The following TRPC4 variants were observed in gnomAD, a reference collection of about 807,000 sequenced individuals.
TRPC4 encodes transient receptor potential cation channel subfamily C member 4.
TRPC4 carries 49 observed loss-of-function variants against 99.4 expected under a neutral mutation model. That is an observed-to-expected ratio of 0.49 (90% CI 0.39 to 0.63). The LOEUF (loss-of-function observed/expected upper bound fraction) is 0.63. TRPC4 is among the 20% of genes least tolerant of loss of function. TRPC4 has a pLI of 0.00. For missense variants in TRPC4, 898 were observed against 1,152.9 expected (o/e 0.78, Z 3.20); for synonymous variants, 454 against 425.9 (o/e 1.07, Z -0.81).
At chr13:37,666,322 G>A (rs1952646258) in intron 5 of TRPC4, among the ~76,000 whole-genome samples, 3 of 152,162 alleles carry the variant, frequency 2.0e-5, no homozygotes, top group Admixed American at 1.3e-4. Context: ...GGGTACATCT[G>A]GCTATTAGGT....
chr13:37,646,339 G>T (rs1951859392), intron 8 of TRPC4, among the ~76,000 whole-genome samples: 1 of 152,098 alleles, frequency 6.6e-6, no homozygotes, highest in Admixed American at 6.5e-5. Flanking sequence ...CATTTTTTAT[G>T]ATTTTATCAA....
Position 37,647,667 on chromosome 13 carries a change from G to T in TRPC4, c.2079+3598C>A, listed in dbSNP as rs141771951. 8.2e-4 allele frequency among the ~76,000 whole-genome samples: 125 copies of T among 152,288 alleles called. No individual in the cohort carries two copies. The Middle Eastern group carries it at 0.01, about 12-fold the overall frequency. The stretch of plus-strand genomic sequence containing the variant: ...TTTAAAAGAAATGGTTGAGCTAAAT[G>T]ATATCTAAGATCCCTTTGGGGTATA... On this transcript the variant is annotated intron_variant, in intron 8 of 10. Transcript: ENST00000379705.
chr13:37,745,584 G>A (rs1955752947), intron 3 of TRPC4, among the ~76,000 whole-genome samples: 1 of 146,252 alleles, frequency 6.8e-6, no homozygotes, highest in Non-Finnish European at 1.5e-5. Flanking sequence ...CATTCAGCAG[G>A]TGAGAATACT....
rs574298696 is a variant in TRPC4 at position 37,659,509 on chromosome 13, A to T, written c.1688+3907T>A. On this transcript the variant is annotated intron_variant, in intron 6 of 10. Transcript: ENST00000379705. ...TTCATTGCAACAAAAATGGACTAAG[A>T]CAGGAGGCAGGGGACAAGCAGATCA... Among the ~76,000 whole-genome samples the T allele has an allele frequency of 1.9e-4, 29 of 152,320 alleles. No homozygotes were observed. The East Asian group carries it at 5.6e-3, about 29-fold the overall frequency.
chr13:37,706,049 A>G (rs148896005), intron 3 of TRPC4, among the ~76,000 whole-genome samples: 159 of 152,270 alleles, frequency 1.0e-3, no homozygotes, highest in Non-Finnish European at 2.0e-3. Context: ...ACATACATTT[A>G]CAATTGCACC....
chr13:37,659,052 G>C (rs1230763875), intron 6 of TRPC4, among the ~76,000 whole-genome samples: 3 of 152,184 alleles, frequency 2.0e-5, no homozygotes, highest in East Asian at 1.9e-4. Context: ...GAAGAGTAAA[G>C]TGTTAATGGG....
In TRPC4 at chr13:37,752,992, GCA is replaced by G. The variant is rs527774572; in HGVS notation, c.379-6539_379-6538del. On this transcript the variant is annotated intron_variant, in intron 2 of 10. Transcript: ENST00000379705. ...TTTCTCCCTCCACACACACACACAC[GCA>G]CACACACACACACACAGTATAATAC... 3.3e-3 allele frequency among the ~76,000 whole-genome samples: 464 copies of G among 140,058 alleles called. 1 individual carries two copies. The highest frequency in any genetic ancestry group is 0.011 in the African/African-American group (413 of 38,816). The allele number at this position is 140,058 out of a possible 152,430, so 91.9% of individuals were successfully genotyped here.
chr13:37,732,238 G>T (rs144966291), intron 3 of TRPC4, among the ~76,000 whole-genome samples: 27 of 152,254 alleles, frequency 1.8e-4, no homozygotes, highest in Admixed American at 4.6e-4. Flanking sequence ...ATATAGAAGA[G>T]AGAGAACCAG....
chr13:37,704,398 T>C lies in TRPC4; in HGVS notation c.898-12063A>G, dbSNP rs145553018. ...TTCCTTCAATAAAGTTGCTATAAAA[T>C]AAGTCTGGCTGAGCATGGTGGCTCA... On this transcript the variant is annotated intron_variant, in intron 3 of 10. Coordinates refer to ENST00000379705, the MANE Select transcript of TRPC4 (RefSeq NM_016179.4). Among the ~76,000 whole-genome samples the C allele has an allele frequency of 3.4e-4, 52 of 152,218 alleles. No homozygotes were observed. In the East Asian group the frequency reaches 8.9e-3, roughly 26 times the overall value.
At chr13:37,764,847 G>A (rs1172693351) in intron 2 of TRPC4, among the ~76,000 whole-genome samples, 2 of 136,874 alleles carry the variant, frequency 1.5e-5, no homozygotes, top group Non-Finnish European at 1.5e-5. Flanking sequence ...TGAGAATCAT[G>A]TGTTTCTTTC....
At chr13:37,799,972 T>C (rs923279951) in intron 1 of TRPC4, among the ~76,000 whole-genome samples, 1 of 152,296 alleles carries the variant, frequency 6.6e-6, no homozygotes, top group East Asian at 1.9e-4. Context: ...ATTATGTCCA[T>C]AGGCGGGGTT....
intron 3 of TRPC4, among the ~76,000 whole-genome samples, chr13:37,710,920 G>T (rs1593562310): frequency 6.6e-6 from 1 of 151,860 alleles, no homozygotes. Context: ...GGGCCTATAT[G>T]ATGCTGTATA....
At chr13:37,811,312 AC>A (rs1296076859) in intron 1 of TRPC4, among the ~76,000 whole-genome samples, 9 of 152,148 alleles carry the variant, frequency 5.9e-5, no homozygotes, top group African/African-American at 2.2e-4. Flanking sequence ...AAAAACAACA[AC>A]AAATAGGAAA....
At chr13:37,740,951 T>C (rs954240748) in intron 3 of TRPC4, among the ~76,000 whole-genome samples, 1 of 152,140 alleles carries the variant, frequency 6.6e-6, no homozygotes, top group African/African-American at 2.4e-5. Context: ...AACAATCCCA[T>C]TAATGTGTAG....
chr13:37,842,347 A>T (rs1387981968), intron 1 of TRPC4, among the ~76,000 whole-genome samples: 5 of 136,456 alleles, frequency 3.7e-5, no homozygotes, highest in South Asian at 2.3e-4. Flanking sequence ...TCTAGCCAAA[A>T]AAAAAAAAAA....
At chr13:37,719,984 G>A (rs1458808131) in intron 3 of TRPC4, among the ~76,000 whole-genome samples, 1 of 151,944 alleles carries the variant, frequency 6.6e-6, no homozygotes, top group Non-Finnish European at 1.5e-5. Context: ...AGTCAGAAGT[G>A]TTCTTAAAAG....
At chr13:37,653,889 G>A (rs1386102850) in intron 7 of TRPC4, among the ~76,000 whole-genome samples, 1 of 152,040 alleles carries the variant, frequency 6.6e-6, no homozygotes, top group Non-Finnish European at 1.5e-5. Context: ...GAAATATGTT[G>A]ATTAGGAGAA....
At chr13:37,685,529 T>G (rs1190526698) in intron 4 of TRPC4, among the ~76,000 whole-genome samples, 1 of 152,170 alleles carries the variant, frequency 6.6e-6, no homozygotes, top group Non-Finnish European at 1.5e-5. Context: ...CCTAATTTTT[T>G]CAGTTTCTAC....
intron 3 of TRPC4, among the ~76,000 whole-genome samples, chr13:37,693,712 T>C (rs2138888680): frequency 6.6e-6 from 1 of 152,312 alleles, no homozygotes; most frequent in African/African-American, 2.4e-5. Flanking sequence ...TGTTCAACCA[T>C]TTGGATTAGA....
Sources: gnomAD v4.1 joint callset for allele counts (sites outside exome capture counted in the v4.1 genomes callset) on GRCh38, gnomAD v4.1.1 for gene constraint, MANE v1.5 for transcripts, NCBI Gene and HGNC (gene_info 2026-07-23, HGNC 2026-07-21) for gene names.